ELMOD1: variants seen among roughly 807,000 people sequenced by gnomAD.
The protein encoded by ELMOD1 is ELMO domain-containing protein 1.
In ELMOD1, 21 loss-of-function variants were observed where a neutral mutation model predicts 46.7. That is an observed-to-expected ratio of 0.45 (90% CI 0.32 to 0.65). ELMOD1 has a LOEUF of 0.65. Among genes scored for constraint, ELMOD1 ranks in the 30% least tolerant of loss-of-function variants. ELMOD1 has a pLI of 0.04. For synonymous variants in ELMOD1, 122 were observed against 138.2 expected, an observed-to-expected ratio of 0.88 and a Z score of 0.82; for missense variants, 348 against 407.8, an observed-to-expected ratio of 0.85 and a Z score of 1.26.
chr11:107,660,173 T>C (rs1292229386), intron 11 of ELMOD1, among the ~76,000 whole-genome samples: 1 of 152,154 alleles, frequency 6.6e-6, no homozygotes, highest in African/African-American at 2.4e-5. Flanking sequence ...ACCTGTGTCC[T>C]TGCATATGTC....
chr11:107,612,127 C>G (rs949726053), intron 1 of ELMOD1, among the ~76,000 whole-genome samples: 2 of 152,162 alleles, frequency 1.3e-5, no homozygotes, highest in African/African-American at 4.8e-5. Context: ...TGCCCATTAA[C>G]AGTGAACTGG....
At chr11:107,620,926 T>C (rs1335379262) in intron 2 of ELMOD1, among the ~76,000 whole-genome samples, 2 of 152,028 alleles carry the variant, frequency 1.3e-5, no homozygotes, top group South Asian at 4.1e-4. Flanking sequence ...ACAAAACATA[T>C]CTACATGTGA....
At chr11:107,591,940 C>A (rs766858360) in intron 1 of ELMOD1, 2 of 514,664 alleles carry the variant, frequency 3.9e-6, no homozygotes, top group East Asian at 1.1e-4. Context: ...TGTTGAGCTG[C>A]GCCTCCTCCA....
chr11:107,642,361 C>A (rs1336947247), intron 6 of ELMOD1, among the ~76,000 whole-genome samples: 3 of 151,754 alleles, frequency 2.0e-5, no homozygotes, highest in African/African-American at 7.3e-5. Flanking sequence ...ACAGATAATA[C>A]TAATCTTATT....
chr11:107,614,848 T>C (rs1865834628), intron 1 of ELMOD1, among the ~76,000 whole-genome samples: 1 of 152,176 alleles, frequency 6.6e-6, no homozygotes, highest in South Asian at 2.1e-4. Flanking sequence ...GTTGGAACTT[T>C]ATCTCTTATA....
At chr11:107,657,156 A>G (rs1866648851) in intron 11 of ELMOD1, among the ~76,000 whole-genome samples, 1 of 152,212 alleles carries the variant, frequency 6.6e-6, no homozygotes, top group South Asian at 2.1e-4. Context: ...TGACCCCGAA[A>G]ACTTCCAAAG....
chr11:107,592,303 C>G lies in ELMOD1; in HGVS notation c.-86+894C>G, dbSNP rs780003157. ...GCCCTGAGCTTTCCACATTTCATCCCTTTCCCCCACCACCTAGGAAAATAC... is the reference window on the plus strand; with the variant it reads ...GCCCTGAGCTTTCCACATTTCATCCGTTTCCCCCACCACCTAGGAAAATAC... On this transcript the variant is annotated intron_variant, in intron 1 of 11. Transcript: ENST00000265840. The G allele has an allele frequency of 5.7e-6, 3 of 530,384 alleles. No homozygotes were observed. In the Admixed American group the frequency reaches 5.8e-5, roughly 10 times the overall value. 32.9% of individuals were successfully genotyped at this position (530,384 alleles called of 1,614,324 possible). A position where few individuals can be genotyped will look rare whatever the true frequency, so the allele number is the denominator to read the frequency against.
At chr11:107,629,355 A>G (rs1866097964) in intron 2 of ELMOD1, among the ~76,000 whole-genome samples, 3 of 152,232 alleles carry the variant, frequency 2.0e-5, no homozygotes, top group Admixed American at 2.0e-4. Context: ...ACTTTTGAGA[A>G]TAAAGAAAAA....
chr11:107,656,668 T>C (rs1002991510), intron 11 of ELMOD1, among the ~76,000 whole-genome samples: 3 of 152,120 alleles, frequency 2.0e-5, no homozygotes, highest in African/African-American at 7.2e-5. Flanking sequence ...AATTCTTCTC[T>C]TTCCTGCTCT....
intron 11 of ELMOD1, among the ~76,000 whole-genome samples, chr11:107,656,887 G>A (rs1238042566): frequency 1.3e-5 from 2 of 152,076 alleles, no homozygotes; most frequent in East Asian, 1.9e-4. Context: ...GAACAAAAAG[G>A]CATAGATGAA....
intron 9 of ELMOD1, among the ~76,000 whole-genome samples, chr11:107,653,252 C>T (rs1214090656): frequency 1.3e-5 from 2 of 151,998 alleles, no homozygotes; most frequent in Non-Finnish European, 2.9e-5. Flanking sequence ...GGGGCAGATG[C>T]ACACAGAGTA....
chr11:107,656,937 T>C (rs1866645074), intron 11 of ELMOD1, among the ~76,000 whole-genome samples: 1 of 152,226 alleles, frequency 6.6e-6, no homozygotes, highest in South Asian at 2.1e-4. Flanking sequence ...AACGGATCAC[T>C]CTGTGAAGTC....
rs966956111 is a variant in ELMOD1 at position 107,665,533 on chromosome 11, T to C, written c.*336T>C. 11 of 206,112 alleles carry C rather than the reference T, an allele frequency of 5.3e-5. No individual in the cohort carries two copies. Among genetic ancestry groups the C allele is most frequent in the Admixed American group, 4.8e-4 (9 of 18,740 alleles). 12.8% of individuals were successfully genotyped at this position (206,112 alleles called of 1,614,324 possible). On this transcript the variant is annotated 3_prime_UTR_variant, in exon 12 of 12. Transcript: ENST00000265840. ...ATTGTATTTCTCTAGCTGTATTTTG[T>C]ATGTAAGAGGTTTAGCTGAATCTCA...
intron 1 of ELMOD1, among the ~76,000 whole-genome samples, chr11:107,601,454 C>T (rs1452414098): frequency 5.4e-5 from 7 of 128,452 alleles, no homozygotes; most frequent in East Asian, 2.2e-4. Context: ...CTCACTCTGT[C>T]GCCCAGGCTG....
chr11:107,640,045 G>A (rs1011735201), intron 6 of ELMOD1, among the ~76,000 whole-genome samples: 5 of 152,006 alleles, frequency 3.3e-5, no homozygotes, highest in Non-Finnish European at 7.4e-5. Flanking sequence ...ACTCTGTCAC[G>A]CAGGCTGGAG....
In ELMOD1 at chr11:107,660,967, A is replaced by G. The variant is rs187293133; in HGVS notation, c.833-4058A>G. On this transcript the variant is annotated intron_variant, in intron 11 of 11. Transcript: ENST00000265840. ...CTGTTTCATATTTGTTCATCGGCAG[A>G]TGAGTTAACTGACAGATCAGACCAA... Among the ~76,000 whole-genome samples, 527 of 152,318 alleles carry G rather than the reference A, an allele frequency of 3.5e-3. 1 individual carries two copies. The highest frequency in any genetic ancestry group is 5.5e-3 in the Non-Finnish European group (374 of 68,036).
rs561181854 is a variant in ELMOD1 at position 107,665,292 on chromosome 11, A to G, written c.*95A>G. 13 of 1,277,686 alleles carry G rather than the reference A, an allele frequency of 1.0e-5. No individual in the cohort carries two copies. The highest frequency in any genetic ancestry group is 2.0e-5 in the Admixed American group (1 of 49,494). 79.1% of individuals were successfully genotyped at this position (1,277,686 alleles called of 1,614,324 possible). A position where few individuals can be genotyped will look rare whatever the true frequency, so the allele number is the denominator to read the frequency against. ...CGCAGCTCACGCATTGAATGCACACAGTGATTGTATGCATGCCTTTTGGTA... is the reference window on the plus strand; with the variant it reads ...CGCAGCTCACGCATTGAATGCACACGGTGATTGTATGCATGCCTTTTGGTA... On this transcript the variant is annotated 3_prime_UTR_variant, in exon 12 of 12. Transcript: ENST00000265840.
chr11:107,662,884 C>T (rs1866767559), intron 11 of ELMOD1, among the ~76,000 whole-genome samples: 1 of 152,018 alleles, frequency 6.6e-6, no homozygotes, highest in Non-Finnish European at 1.5e-5. Flanking sequence ...GAGCGAGACC[C>T]TGTCTCAAAA....
intron 2 of ELMOD1, 35 bp downstream of exon 2, chr11:107,618,241 C>T (rs1435928746): frequency 6.4e-7 from 1 of 1,553,918 alleles, no homozygotes; most frequent in Admixed American, 2.0e-5. Flanking sequence ...GAGCCCTCTG[C>T]AGTGGGAGAA....
Sources: allele counts gnomAD v4.1 joint callset (sites outside exome capture counted in the v4.1 genomes callset), GRCh38; gene constraint gnomAD v4.1.1; transcripts MANE v1.5; gene names NCBI Gene and HGNC (gene_info 2026-07-23, HGNC 2026-07-21).